Variants in ORC4 observed in about 807,000 individuals in gnomAD.
ORC4 encodes origin recognition complex subunit 4.
ORC4 carries 55 observed loss-of-function variants against 63.9 expected under a neutral mutation model. The ratio of observed to expected loss-of-function variants is 0.86; its 90% CI spans 0.69 to 1.08. The LOEUF is 1.08. Ranked by LOEUF, ORC4 falls within the 50% of genes least tolerant of loss-of-function variation. The probability of loss-of-function intolerance (pLI) is 0.00; values close to 1 mark genes in which losing one functional copy is unlikely to be tolerated. For synonymous variants in ORC4, 150 were observed against 168.5 expected (o/e 0.89, Z 0.85); for missense variants, 511 against 504.4 (o/e 1.01, Z -0.13).
chr2:148,007,476 G>A lies in ORC4; in HGVS notation c.-18+13157C>T, dbSNP rs914349401. On this transcript the variant is annotated intron_variant, in intron 1 of 13. Coordinates refer to ENST00000392857, the MANE Select transcript of ORC4 (RefSeq NM_181741.4). The stretch of plus-strand genomic sequence containing the variant: ...TGAAAATGCATCAGTCTCAACAGCA[G>A]AAGAATAAATTAGTGAGCTTGAAGA... Among the ~76,000 whole-genome samples the A allele has an allele frequency of 2.0e-5, 3 of 152,286 alleles. No individual in the cohort carries two copies. The Middle Eastern group carries it at 0.01, about 518-fold the overall frequency.
chr2:148,003,322 C>T (rs1017073697), intron 1 of ORC4, among the ~76,000 whole-genome samples: 1 of 152,040 alleles, frequency 6.6e-6, no homozygotes, highest in Non-Finnish European at 1.5e-5. Context: ...AAGAAAATTC[C>T]AGGCCAATAT....
At chr2:147,991,060 T>TC (rs1158526642) in intron 1 of ORC4, among the ~76,000 whole-genome samples, 1 of 151,198 alleles carries the variant, frequency 6.6e-6, no homozygotes, top group Non-Finnish European at 1.5e-5. Context: ...CTTTTTTTTT[T>TC]TTTTTTGAGC....
At chr2:147,955,592 T>C (rs2105307208) in intron 6 of ORC4, among the ~76,000 whole-genome samples, 197 bp from the exon 7 acceptor site, 1 of 152,046 alleles carries the variant, frequency 6.6e-6, no homozygotes, top group East Asian at 1.9e-4. Flanking sequence ...TCACTGAAAA[T>C]GGCAATTACA....
In ORC4 at chr2:147,939,254, G is replaced by A; in HGVS notation, c.850-6C>T. The A allele has an allele frequency of 1.3e-6, 2 of 1,579,478 alleles. No homozygotes were observed. The highest frequency in any genetic ancestry group is 1.7e-6 in the Non-Finnish European group (2 of 1,148,834). On this transcript the variant is annotated splice_polypyrimidine_tract_variant and splice_region_variant and intron_variant, in intron 10 of 13. Coordinates refer to ENST00000392857, the MANE Select transcript of ORC4 (RefSeq NM_181741.4). The stretch of plus-strand genomic sequence containing the variant: ...ACTCGATTTAAAGCAAGCATCTAGG[G>A]AAAGACAGATCAGAAAAACAATTAC...
chr2:147,956,653 T>C (rs1689267867), intron 6 of ORC4, among the ~76,000 whole-genome samples: 1 of 152,090 alleles, frequency 6.6e-6, no homozygotes, highest in African/African-American at 2.4e-5. Flanking sequence ...AGTATTTCTC[T>C]ATTCAAGAGT....
intron 8 of ORC4, among the ~76,000 whole-genome samples, chr2:147,950,143 T>C (rs2105291563): frequency 6.6e-6 from 1 of 152,274 alleles, no homozygotes; most frequent in East Asian, 1.9e-4. Flanking sequence ...AGAAAGGTTA[T>C]ATTCAGAGAT....
At chr2:147,963,873 C>G (rs1192322261) in intron 4 of ORC4, among the ~76,000 whole-genome samples, 1 of 152,096 alleles carries the variant, frequency 6.6e-6, no homozygotes, top group African/African-American at 2.4e-5. Flanking sequence ...AAAAACTACA[C>G]AAAGACCACA....
At chr2:148,016,472 C>G (rs1483502984) in intron 1 of ORC4, among the ~76,000 whole-genome samples, 3 of 152,194 alleles carry the variant, frequency 2.0e-5, no homozygotes, top group Non-Finnish European at 2.9e-5. Flanking sequence ...CAATTCTCCA[C>G]AGTAACACCC....
intron 4 of ORC4, among the ~76,000 whole-genome samples, chr2:147,966,352 G>T (rs1344139591): frequency 6.6e-6 from 1 of 151,808 alleles, no homozygotes; most frequent in African/African-American, 2.4e-5. Flanking sequence ...GTATTCCAAA[G>T]AGCTAGAAAA....
At chr2:147,935,791 CT>C in intron 13 of ORC4, 93 bp from the exon 14 acceptor site, 1 of 1,091,686 alleles carries the variant, frequency 9.2e-7, no homozygotes, top group South Asian at 1.3e-5. Context: ...TTTTGGTCAG[CT>C]GCAGAACAGA....
intron 1 of ORC4, among the ~76,000 whole-genome samples, chr2:148,005,285 T>C (rs1171301374): frequency 6.6e-6 from 1 of 152,062 alleles, no homozygotes. Flanking sequence ...AAACCATTAT[T>C]CTCAGCAAAC....
rs575872724 is a variant in ORC4 at position 148,004,722 on chromosome 2, C to T, written c.-18+15911G>A. 1.4e-3 allele frequency among the ~76,000 whole-genome samples: 207 copies of T among 152,090 alleles called. 1 individual carries two copies. Among genetic ancestry groups the T allele is most frequent in the African/African-American group, 4.7e-3 (196 of 41,518 alleles). On this transcript the variant is annotated intron_variant, in intron 1 of 13. Transcript: ENST00000392857. ...ATGGGCAAAAATTTCATGACTAAAA[C>T]ACCAAAAGCAATGGCAACAAAAGGA...
At chr2:147,991,136 C>T (rs1043893459) in intron 1 of ORC4, among the ~76,000 whole-genome samples, 1 of 151,638 alleles carries the variant, frequency 6.6e-6, no homozygotes, top group Non-Finnish European at 1.5e-5. Flanking sequence ...CAACCTCCAC[C>T]TCCAGGGTTC....
chr2:147,958,360 T>C lies in ORC4; in HGVS notation c.325A>G (p.Ile109Val), dbSNP rs770605657. The C allele has an allele frequency of 1.2e-5, 20 of 1,612,158 alleles. No homozygotes were observed. In the Admixed American group the frequency reaches 2.0e-4, roughly 16 times the overall value. The change falls in exon 6 of 14, where the codon ATC becomes GTC. Residue 109 changes from isoleucine to valine, a missense_variant. Physicochemically the swap from Ile to Val is conservative, Grantham distance 29. Transcript: ENST00000392857. Reference protein sequence around the residue: ...LNGLLQINDKIALKEITRQLN... With the variant: ...LNGLLQINDKVALKEITRQLN... ...TGCCTTGTGATTTCCTTTAGGGCGA[T>C]TTTGTCATTGATCTGCAGCAGTCCT... is the stretch of plus-strand genomic sequence containing the variant.
chr2:148,016,826 T>C (rs945636372), intron 1 of ORC4, among the ~76,000 whole-genome samples: 1 of 152,252 alleles, frequency 6.6e-6, no homozygotes, highest in African/African-American at 2.4e-5. Context: ...ACAATTTCTT[T>C]TGTACCAACC....
intron 1 of ORC4, among the ~76,000 whole-genome samples, chr2:147,991,201 C>A (rs1264862840): frequency 6.6e-6 from 1 of 151,986 alleles, no homozygotes; most frequent in African/African-American, 2.4e-5. Flanking sequence ...GCATGCGCCA[C>A]CACGCTCGGC....
rs754717858 is a variant in ORC4 at position 147,943,521 on chromosome 2, T to C, written c.764A>G (p.Tyr255Cys). ...FAEKWNENVQYLSEDRSVQEV... is the reference protein window; with the variant it reads ...FAEKWNENVQCLSEDRSVQEV... ...TTGCACACTTCTATCTTCTGAGAGA[T>C]ACTAAAAGGAAAAAAAAAAAAAAAG... The change falls in exon 10 of 14, where the codon TAT becomes TGT. Residue 255 changes from tyrosine (Y) to cysteine (C), a missense_variant and splice_region_variant. Physicochemically the swap from Tyr to Cys is radical, Grantham distance 194. Transcript: ENST00000392857. The C allele has an allele frequency of 4.8e-6, 7 of 1,471,576 alleles. No homozygotes were observed. Among genetic ancestry groups the C allele is most frequent in the Non-Finnish European group, 5.5e-6 (6 of 1,081,498 alleles). The allele number at this position is 1,471,576 out of a possible 1,614,324, so 91.2% of individuals were successfully genotyped here.
intron 7 of ORC4, 114 bp downstream of exon 7, chr2:147,955,233 T>C (rs1689180989): frequency 1.5e-6 from 1 of 688,618 alleles, no homozygotes; most frequent in African/African-American, 1.8e-5. Context: ...TTTTAATGTT[T>C]CTGTATTTTA....
Position 147,939,189 on chromosome 2 carries a change from C to G in ORC4, c.909G>C (p.Met303Ile), listed in dbSNP as rs1198758053. 1 of 1,612,970 alleles carries G rather than the reference C, an allele frequency of 6.2e-7. No individual in the cohort carries two copies. Among genetic ancestry groups the G allele is most frequent in the African/African-American group, 1.3e-5 (1 of 74,856 alleles). The change falls in exon 11 of 14, where the codon ATG (methionine) becomes ATC (isoleucine). Residue 303 changes from methionine (M) to isoleucine (I), a missense_variant. Transcript: ENST00000392857. ...SHPFMTAVDL[M>I]EASQLCSMDS... ...CCATGCTACACAGTTGGCTTGCTTCCATTAGATCTACGGCAGTCATAAATG... is the reference window on the plus strand; with the variant it reads ...CCATGCTACACAGTTGGCTTGCTTCGATTAGATCTACGGCAGTCATAAATG...
Sources: allele counts gnomAD v4.1 joint callset (sites outside exome capture counted in the v4.1 genomes callset), GRCh38; gene constraint gnomAD v4.1.1; transcripts MANE v1.5; gene names NCBI Gene and HGNC (gene_info 2026-07-23, HGNC 2026-07-21).